Variants in NF1 observed in about 807,000 individuals in gnomAD.
The protein encoded by NF1 is neurofibromin 1, also known as neurofibromin.
In NF1, 122 loss-of-function variants were observed where a neutral mutation model predicts 325.7. The ratio of observed to expected loss-of-function variants is 0.37; its 90% CI spans 0.32 to 0.44. The LOEUF is 0.44. NF1 is among the 20% of genes least tolerant of loss of function. The pLI is 1.00. For missense variants in NF1, 2,140 were observed against 3,415.4 expected, an observed-to-expected ratio of 0.63 and a Z score of 9.31; for synonymous variants, 1,091 against 1,186.0, an observed-to-expected ratio of 0.92 and a Z score of 1.65.
intron 18 of NF1, 71 bp downstream of exon 18, chr17:31,226,755 T>G (rs1264823195): frequency 3.1e-6 from 5 of 1,594,268 alleles, no homozygotes; most frequent in Non-Finnish European, 4.3e-6. Context: ...TGAGAATGTA[T>G]TTAAGGTCAC....
intron 36 of NF1, among the ~76,000 whole-genome samples, chr17:31,292,053 A>G (rs907772507): frequency 3.9e-5 from 6 of 152,230 alleles, no homozygotes; most frequent in African/African-American, 1.4e-4. Context: ...TTTAATCTTC[A>G]GAAAAAAACC....
chr17:31,138,767 A>G (rs894952643), intron 1 of NF1, among the ~76,000 whole-genome samples: 5 of 145,092 alleles, frequency 3.4e-5, no homozygotes, highest in Non-Finnish European at 7.5e-5. Context: ...TATTTTTAGT[A>G]GAGACGGGGT....
rs560409406 is a variant in NF1, at chr17:31,143,071, G to A, written c.61-12912G>A. On this transcript the variant is annotated intron_variant, in intron 1 of 57. Transcript: ENST00000358273. ...TTACCTCCCGTTTGTTTCTTTATTA[G>A]CAGTGTCTTTTTGTTATAGAATTTA... Among the ~76,000 whole-genome samples, 8 of 152,048 alleles carry A rather than the reference G, an allele frequency of 5.3e-5. No homozygotes were observed. The South Asian group carries it at 1.2e-3, about 24-fold the overall frequency.
At chr17:31,231,253 G>C (rs2067108259) in intron 24 of NF1, among the ~76,000 whole-genome samples, 2 of 152,090 alleles carry the variant, frequency 1.3e-5, no homozygotes, top group African/African-American at 2.4e-5. Flanking sequence ...ATTATTTGAG[G>C]AACTCATTGT....
At chr17:31,146,275 G>T (rs1916579819) in intron 1 of NF1, among the ~76,000 whole-genome samples, 1 of 152,158 alleles carries the variant, frequency 6.6e-6, no homozygotes, top group Non-Finnish European at 1.5e-5. Context: ...CGCCAACCCA[G>T]ATGTTTCCAT....
At chr17:31,188,845 C>A (rs919265284) in intron 8 of NF1, among the ~76,000 whole-genome samples, 1 of 152,170 alleles carries the variant, frequency 6.6e-6, no homozygotes, top group African/African-American at 2.4e-5. Context: ...TGCCCTCCAG[C>A]GTCGGTCTTC....
intron 36 of NF1, among the ~76,000 whole-genome samples, chr17:31,279,242 C>A (rs2068072401): frequency 6.6e-6 from 1 of 152,056 alleles, no homozygotes; most frequent in African/African-American, 2.4e-5. Context: ...CAGAGCGAGA[C>A]CCTGTCTCAA....
chr17:31,318,218 T>C, intron 36 of NF1: 1 of 1,496,114 alleles, frequency 6.7e-7, no homozygotes, highest in South Asian at 1.4e-5. Flanking sequence ...TTTTAGATAA[T>C]CAGAACAACA....
At chr17:31,252,637 A>G (rs531327884) in intron 30 of NF1, 6 of 347,192 alleles carry the variant, frequency 1.7e-5, no homozygotes, top group Admixed American at 1.3e-4. Context: ...ATTAACCAAA[A>G]TGTAAATATT....
chr17:31,356,337 A>C (rs2070269737), intron 51 of NF1, 123 bp from the exon 52 acceptor site: 7 of 952,730 alleles, frequency 7.3e-6, no homozygotes. Context: ...GATGTATTAG[A>C]GCTTTCTTTG....
chr17:31,250,360 A>T (rs1425308840), intron 30 of NF1: 2 of 216,482 alleles, frequency 9.2e-6, no homozygotes, highest in African/African-American at 4.6e-5. Flanking sequence ...TAATTGTTCT[A>T]TTGATGAAAC....
At chr17:31,266,885 C>A (rs1252826551) in intron 36 of NF1, among the ~76,000 whole-genome samples, 3 of 151,606 alleles carry the variant, frequency 2.0e-5, no homozygotes, top group Non-Finnish European at 4.4e-5. Flanking sequence ...AGTCTTGTGG[C>A]CTGAGAATGC....
At position 31,212,801 on chromosome 17, in the gene NF1, C is replaced by CT. The variant is rs200424313; in HGVS notation, c.1393-1641dup. Among the ~76,000 whole-genome samples, 47 of 151,470 alleles carry CT rather than the reference C, an allele frequency of 3.1e-4. No individual in the cohort carries two copies. In the East Asian group the frequency reaches 5.2e-3, roughly 17 times the overall value. ...ACTGTACATAATTGTATGTGCTATA[C>CT]TTTTTTTTTATATGACTAGAAGTGA... On this transcript the variant is annotated intron_variant, in intron 12 of 57. Transcript: ENST00000358273.
At position 31,358,748 on chromosome 17, in the gene NF1, A is replaced by ATT. The variant is rs1390437798; in HGVS notation, c.8113+132_8113+133dup. 16 of 1,332,306 alleles carry ATT rather than the reference A, an allele frequency of 1.2e-5. No individual in the cohort carries two copies. The Middle Eastern group carries it at 5.5e-4, about 46-fold the overall frequency. 82.5% of individuals were successfully genotyped at this position (1,332,306 alleles called of 1,614,324 possible). On this transcript the variant is annotated intron_variant, in intron 55 of 57. Coordinates refer to ENST00000358273, the MANE Select transcript of NF1 (RefSeq NM_001042492.3). ...GTTCATACTTTTATTTCCATATTCC[A>ATT]TTTTTTTACTCTCTCAACTGTATGT...
At chr17:31,221,698 G>A (rs904902180) in intron 14 of NF1, 152 bp from the exon 15 acceptor site, 27 of 635,912 alleles carry the variant, frequency 4.2e-5, no homozygotes, top group Non-Finnish European at 6.3e-5. Flanking sequence ...GTTCACCAGA[G>A]TTTCTCTCTT....
intron 35 of NF1, among the ~76,000 whole-genome samples, chr17:31,262,371 C>T (rs1361035534): frequency 6.6e-6 from 1 of 152,120 alleles, no homozygotes. Flanking sequence ...TTGTTTGAAT[C>T]CCATTTAGTG....
chr17:31,236,500 C>T (rs1380404648), intron 29 of NF1, among the ~76,000 whole-genome samples: 1 of 152,040 alleles, frequency 6.6e-6, no homozygotes, highest in Non-Finnish European at 1.5e-5. Context: ...GGTGCACTGG[C>T]GCAGTCTCGG....
chr17:31,328,381 G>A (rs2069400833), intron 38 of NF1, among the ~76,000 whole-genome samples: 1 of 152,168 alleles, frequency 6.6e-6, no homozygotes, highest in Admixed American at 6.5e-5. Context: ...GCATGGCTGT[G>A]GAGTGAGTAG....
chr17:31,126,307 C>G, intron 1 of NF1, among the ~76,000 whole-genome samples: 1 of 152,078 alleles, frequency 6.6e-6, no homozygotes, highest in East Asian at 1.9e-4. Context: ...ATTCATAGAG[C>G]ATTTGTGTTA....
Sources: allele counts gnomAD v4.1 joint callset (sites outside exome capture counted in the v4.1 genomes callset), GRCh38; gene constraint gnomAD v4.1.1; transcripts MANE v1.5; gene names NCBI Gene and HGNC (gene_info 2026-07-23, HGNC 2026-07-21).